The following SEZ6 variants were observed in gnomAD, a reference collection of about 807,000 sequenced individuals.
The protein encoded by SEZ6 is seizure related 6 homolog.
In SEZ6, 53 loss-of-function variants were observed where a neutral mutation model predicts 101.0. The observed-to-expected ratio is 0.52, with a 90% CI of 0.42 to 0.66. The LOEUF (loss-of-function observed/expected upper bound fraction) is 0.66, where lower values mean the gene tolerates loss of function less well. SEZ6 is among the 30% of genes least tolerant of loss of function. The probability of loss-of-function intolerance (pLI) is 0.00; values close to 1 mark genes in which losing one functional copy is unlikely to be tolerated. For synonymous variants in SEZ6, 488 were observed against 512.2 expected (o/e 0.95, Z 0.64); for missense variants, 1,102 against 1,289.4 (o/e 0.85, Z 2.23).
intron 5 of SEZ6, among the ~76,000 whole-genome samples, chr17:28,963,739 T>C (rs976597839): frequency 6.6e-6 from 1 of 152,160 alleles, no homozygotes. Context: ...TGTGGGTTCT[T>C]TGAGGGCAGA....
rs765012207 is a variant in SEZ6, at chr17:28,993,553, T to C, written c.56-11514A>G. Among the ~76,000 whole-genome samples the C allele has an allele frequency of 1.0e-3, 152 of 152,214 alleles. 1 individual carries two copies. Among genetic ancestry groups the C allele is most frequent in the Admixed American group, 3.3e-4 (5 of 15,292 alleles). ...GTGGAGGCAGGAGCTGCATTCTCCC[T>C]AGAGCCAGTACCAGGGTCAGCTCTG... On this transcript the variant is annotated intron_variant, in intron 1 of 16. Transcript: ENST00000317338.
chr17:28,992,625 C>T (rs1047554108), intron 1 of SEZ6, among the ~76,000 whole-genome samples: 2 of 152,200 alleles, frequency 1.3e-5, no homozygotes, highest in Non-Finnish European at 2.9e-5. Flanking sequence ...GGGGCCTGAC[C>T]TGACCCGCCC....
intron 3 of SEZ6, among the ~76,000 whole-genome samples, chr17:28,970,686 C>G (rs1209751802): frequency 6.6e-6 from 1 of 152,206 alleles, no homozygotes; most frequent in Non-Finnish European, 1.5e-5. Context: ...TAGGGCTTAA[C>G]CCACTCCTCC....
At chr17:28,970,623 G>A (rs566337604) in intron 3 of SEZ6, among the ~76,000 whole-genome samples, 27 of 152,214 alleles carry the variant, frequency 1.8e-4, no homozygotes, top group Middle Eastern at 6.8e-3. Context: ...GCTTATCGCC[G>A]TTACTGTGCA....
intron 1 of SEZ6, among the ~76,000 whole-genome samples, chr17:28,983,381 A>G (rs1415029412): frequency 1.3e-5 from 2 of 152,222 alleles, no homozygotes; most frequent in South Asian, 2.1e-4. Flanking sequence ...TCCCTAATCC[A>G]TGGCAGGCAT....
chr17:28,974,756 A>G (rs1182945507), intron 3 of SEZ6, among the ~76,000 whole-genome samples: 1 of 152,220 alleles, frequency 6.6e-6, no homozygotes, highest in Non-Finnish European at 1.5e-5. Context: ...GATGTCCTCC[A>G]GAATCAGGCA....
At position 29,005,838 on chromosome 17, in the gene SEZ6, G is replaced by C; in HGVS notation, c.32C>G (p.Ser11Trp). Residue 11 changes from serine (S) to tryptophan (W), a missense_variant, in exon 1 of 17, where the codon TCG becomes TGG. By Grantham distance (177) the Ser-to-Trp change is radical. Coordinates refer to ENST00000317338, the MANE Select transcript of SEZ6 (RefSeq NM_178860.5). This position sits in a 1 kb window ranked among gnomAD's most constrained non-coding sequence, Gnocchi z 4.8. ...ACCGTGAGCCAGGAGCGCCAGCAGC[G>C]AGGGCAGGAGCAGCAGGGCTACCGG... is the stretch of plus-strand genomic sequence containing the variant. MRPVALLLLP[S>W]LLALLAHGLS... 1.3e-6 allele frequency: 2 copies of C among 1,486,370 alleles called. No individual in the cohort carries two copies. Among genetic ancestry groups the C allele is most frequent in the Non-Finnish European group, 1.8e-6 (2 of 1,118,902 alleles). The allele number at this position is 1,486,370 out of a possible 1,614,324, so 92.1% of individuals were successfully genotyped here.
At position 28,956,191 on chromosome 17, in the gene SEZ6, ACT is replaced by A. The variant is rs1471523490; in HGVS notation, c.2918_2919del (p.Glu973ValfsTer4). 1.1e-6 allele frequency: 1 copy of A among 885,686 alleles called. No individual in the cohort carries two copies. Among genetic ancestry groups the A allele is most frequent in the Non-Finnish European group, 1.6e-6 (1 of 610,512 alleles). The allele number at this position is 885,686 out of a possible 1,614,324, so 54.9% of individuals were successfully genotyped here. On this transcript the variant is annotated frameshift_variant, in exon 16 of 17. Coordinates refer to ENST00000317338, the MANE Select transcript of SEZ6 (RefSeq NM_178860.5). LOFTEE classifies it high-confidence loss of function. Reference protein sequence around the residue: ...RPRPYNRITIESAFDNPTYET... With the variant: ...RPRPYNRITIXSAFDNPTYET... ...TCGTAAGTTGGATTGTCAAACGCTGACTCTATGGTAATGCGGTTGTAGGGGCG... is the reference window on the plus strand; with the variant it reads ...TCGTAAGTTGGATTGTCAAACGCTGACTATGGTAATGCGGTTGTAGGGGCG...
chr17:28,991,809 C>T (rs140933837), intron 1 of SEZ6, among the ~76,000 whole-genome samples: 1 of 152,260 alleles, frequency 6.6e-6, no homozygotes, highest in Non-Finnish European at 1.5e-5. Context: ...TGTCATCCAC[C>T]GATGAGGTTT....
intron 3 of SEZ6, among the ~76,000 whole-genome samples, chr17:28,973,582 G>A (rs1185329203): frequency 6.6e-6 from 1 of 152,206 alleles, no homozygotes; most frequent in African/African-American, 2.4e-5. Flanking sequence ...CTATCCAGAA[G>A]GCTCCCTGTT....
chr17:28,965,755 A>G (rs994424200), intron 4 of SEZ6, among the ~76,000 whole-genome samples: 17 of 152,204 alleles, frequency 1.1e-4, no homozygotes, highest in African/African-American at 3.9e-4. Flanking sequence ...GTAGCTTTGG[A>G]ATTGTCATAC....
intron 1 of SEZ6, among the ~76,000 whole-genome samples, chr17:28,998,347 G>A (rs1243919734): frequency 6.6e-6 from 1 of 151,836 alleles, no homozygotes; most frequent in Non-Finnish European, 1.5e-5. Context: ...CTGTTGAGAG[G>A]GGGGATGGAG....
intron 3 of SEZ6, among the ~76,000 whole-genome samples, chr17:28,976,803 C>G (rs2041227444): frequency 6.6e-6 from 1 of 152,234 alleles, no homozygotes; most frequent in African/African-American, 2.4e-5. Context: ...CCTGCCGCAC[C>G]TGCTGCTGCC....
At position 28,981,992 on chromosome 17, in the gene SEZ6, T is replaced by C; in HGVS notation, c.103A>G (p.Ile35Val). ...GTCAGCTCGCCATCTGTCTCCTCGATGCCTGGGGCTTGTCCTTTCCCCACG... is the reference window on the plus strand; with the variant it reads ...GTCAGCTCGCCATCTGTCTCCTCGACGCCTGGGGCTTGTCCTTTCCCCACG... ...PTVGKGQAPG[I>V]EETDGELTAA... Residue 35 changes from isoleucine to valine, a missense_variant, in exon 2 of 17, where the codon ATC (isoleucine) becomes GTC (valine). By Grantham distance (29) the Ile-to-Val change is conservative. Coordinates refer to ENST00000317338, the MANE Select transcript of SEZ6 (RefSeq NM_178860.5). 6.2e-7 allele frequency: 1 copy of C among 1,612,068 alleles called. No homozygotes were observed.
At chr17:28,964,197 G>A in intron 4 of SEZ6, 50 bp from the exon 5 acceptor site, 1 of 1,500,556 alleles carries the variant, frequency 6.7e-7, no homozygotes. Flanking sequence ...GGTGGGGGCG[G>A]GAGCTGGGCC....
intron 3 of SEZ6, among the ~76,000 whole-genome samples, chr17:28,972,398 G>A (rs941033629): frequency 1.3e-5 from 2 of 152,226 alleles, no homozygotes; most frequent in Non-Finnish European, 2.9e-5. Flanking sequence ...TGGCTGCTGC[G>A]AGGCTCAGGG....
Position 28,955,604 on chromosome 17 carries a change from G to A in SEZ6, c.*358C>T. On this transcript the variant is annotated 3_prime_UTR_variant, in exon 17 of 17. Coordinates refer to ENST00000317338, the MANE Select transcript of SEZ6 (RefSeq NM_178860.5). The stretch of plus-strand genomic sequence containing the variant: ...GGTTGCCATGCCAGGGCGGGATGGT[G>A]GTCATGTGGAGAAAGGTACTCCTGC... The A allele has an allele frequency of 1.9e-6, 1 of 517,978 alleles. No homozygotes were observed. Among genetic ancestry groups the A allele is most frequent in the South Asian group, 1.5e-5 (1 of 65,114 alleles). 32.1% of individuals were successfully genotyped at this position (517,978 alleles called of 1,614,324 possible).
At position 29,005,563 on chromosome 17, in the gene SEZ6, A is replaced by C. The variant is rs1364928265; in HGVS notation, c.55+252T>G. On this transcript the variant is annotated intron_variant, in intron 1 of 16. Transcript: ENST00000317338. This position sits in a 1 kb window ranked among gnomAD's most constrained non-coding sequence, Gnocchi z 4.8. Reference sequence around the variant, plus strand: ...TGGCGTGATGAATTGCATCAGAGAAATCCCATTAGATCTGGGGAGATGATT... The same window carrying C: ...TGGCGTGATGAATTGCATCAGAGAACTCCCATTAGATCTGGGGAGATGATT... 4.6e-5 allele frequency among the ~76,000 whole-genome samples: 7 copies of C among 151,956 alleles called. No homozygotes were observed. The highest frequency in any genetic ancestry group is 4.6e-4 in the Admixed American group (7 of 15,282).
chr17:28,959,639 A>G lies in SEZ6; in HGVS notation c.1771+59T>C, dbSNP rs1039810789. 6.5e-6 allele frequency: 10 copies of G among 1,536,898 alleles called. No individual in the cohort carries two copies. The highest frequency in any genetic ancestry group is 4.1e-5 in the African/African-American group (3 of 73,050). On this transcript the variant is annotated intron_variant, in intron 8 of 16. Transcript: ENST00000317338. This position sits in a 1 kb window ranked among gnomAD's most constrained non-coding sequence, Gnocchi z 4.4. ...CCCTGTGGCCCCGGGCTCTGCTGCTATTCTCCTGGTATGACCCTGCCTTTT... is the reference window on the plus strand; with the variant it reads ...CCCTGTGGCCCCGGGCTCTGCTGCTGTTCTCCTGGTATGACCCTGCCTTTT...
Sources: allele counts gnomAD v4.1 joint callset (sites outside exome capture counted in the v4.1 genomes callset), GRCh38; gene constraint gnomAD v4.1.1; non-coding constraint Gnocchi (gnomAD v3.1); transcripts MANE v1.5; gene names NCBI Gene and HGNC (gene_info 2026-07-23, HGNC 2026-07-21).